LCORL: variants seen among roughly 807,000 people sequenced by gnomAD.
LCORL encodes ligand dependent nuclear receptor corepressor like.
A neutral mutation model predicts 141.8 loss-of-function variants in LCORL; 41 were observed. That is an observed-to-expected ratio of 0.29 (90% CI 0.23 to 0.38). The LOEUF (loss-of-function observed/expected upper bound fraction) is 0.38. Ranked by LOEUF, LCORL falls within the 10% of genes least tolerant of loss-of-function variation. The probability of loss-of-function intolerance (pLI) is 1.00; values close to 1 mark genes in which losing one functional copy is unlikely to be tolerated. For missense variants in LCORL, 1,759 were observed against 2,035.0 expected (o/e 0.86, Z 2.61); for synonymous variants, 618 against 694.1 (o/e 0.89, Z 1.72).
intron 1 of LCORL, among the ~76,000 whole-genome samples, chr4:18,018,252 T>C (rs1724922080): frequency 6.6e-6 from 1 of 152,168 alleles, no homozygotes. Flanking sequence ...CAGGACTATA[T>C]TTGCTATTTC....
chr4:17,843,421 G>A, exon 8 of LCORL: 1 of 1,611,004 alleles, frequency 6.2e-7, no homozygotes, highest in Non-Finnish European at 8.5e-7. Context: ...GAAGATCTAA[G>A]TTAGGAAAGA....
At chr4:17,909,648 A>T (rs886600186) in intron 4 of LCORL, among the ~76,000 whole-genome samples, 2 of 152,174 alleles carry the variant, frequency 1.3e-5, no homozygotes, top group African/African-American at 2.4e-5. Context: ...AAGAGTTTTA[A>T]TATTCATTCA....
chr4:17,907,916 T>C (rs1018560787), intron 5 of LCORL, among the ~76,000 whole-genome samples: 3 of 152,230 alleles, frequency 2.0e-5, no homozygotes, highest in Admixed American at 6.5e-5. Context: ...ACATAAATAC[T>C]TGCAACCTAG....
chr4:17,991,833 C>T (rs1720064654), intron 1 of LCORL, among the ~76,000 whole-genome samples: 1 of 152,148 alleles, frequency 6.6e-6, no homozygotes, highest in East Asian at 1.9e-4. Flanking sequence ...CTAATACCCG[C>T]TAATACCATA....
At chr4:17,915,154 A>ATC (rs1030695844) in intron 4 of LCORL, among the ~76,000 whole-genome samples, 32 of 150,124 alleles carry the variant, frequency 2.1e-4, no homozygotes, top group Admixed American at 1.3e-3. Flanking sequence ...CTATCCCTTC[A>ATC]TCTCTCTCTC....
In LCORL at chr4:18,021,719, G is replaced by C. The variant is rs771396431; in HGVS notation, c.33C>G (p.Ala11=). 6 of 1,525,528 alleles carry C rather than the reference G, an allele frequency of 3.9e-6. No homozygotes were observed. The East Asian group carries it at 7.5e-5, about 19-fold the overall frequency. 94.5% of individuals were successfully genotyped at this position (1,525,528 alleles called of 1,614,324 possible). Residue 11 remains alanine (A), a synonymous_variant, in exon 1 of 8, where the codon GCC becomes GCG. Coordinates refer to ENST00000635767, the Ensembl canonical transcript of LCORL. The surrounding 1 kb of genome is among the most constrained non-coding windows in gnomAD (Gnocchi z 5.5). The stretch of plus-strand genomic sequence containing the variant: ...CGGCGGCGGCGGCAGCAGCGGCGGC[G>C]GCAGCGGCCATTCTCTCTCTTCCCT...
In LCORL at chr4:17,973,936, T is replaced by G. The variant is rs114125360; in HGVS notation, c.155-1051A>C. 2.6e-3 allele frequency among the ~76,000 whole-genome samples: 403 copies of G among 152,090 alleles called. 3 individuals are homozygous for G. Among genetic ancestry groups the G allele is most frequent in the African/African-American group, 9.2e-3 (382 of 41,552 alleles). On this transcript the variant is annotated intron_variant, in intron 1 of 7. Transcript: ENST00000635767. ...ATGTCTTAGATTTCACAAAGTAAGGTAGCTATCATGATACTTGGTAAATAT... is the reference window on the plus strand; with the variant it reads ...ATGTCTTAGATTTCACAAAGTAAGGGAGCTATCATGATACTTGGTAAATAT...
intron 1 of LCORL, among the ~76,000 whole-genome samples, chr4:17,988,650 T>C (rs1719441977): frequency 2.6e-5 from 4 of 152,234 alleles, no homozygotes; most frequent in African/African-American, 9.6e-5. Context: ...GATTTATTCT[T>C]GCTTATAGTT....
chr4:17,933,378 C>T (rs569858958), intron 4 of LCORL, among the ~76,000 whole-genome samples: 1 of 152,088 alleles, frequency 6.6e-6, no homozygotes, highest in South Asian at 2.1e-4. Context: ...TACCTTTTTA[C>T]CATTTTATTT....
chr4:17,842,911 T>C (rs1388012881), exon 8 of LCORL: 1 of 161,788 alleles, frequency 6.2e-6, no homozygotes, highest in African/African-American at 2.4e-5. Context: ...AAACTTGTTT[T>C]TTACTATGTT....
At chr4:17,968,687 A>G (rs1715380222) in intron 2 of LCORL, among the ~76,000 whole-genome samples, 1 of 152,206 alleles carries the variant, frequency 6.6e-6, no homozygotes, top group South Asian at 2.1e-4. Context: ...TAATTCCATC[A>G]TTATAGTATA....
At chr4:17,972,836 G>T in exon 2 of LCORL, 3 of 1,432,904 alleles carry the variant, frequency 2.1e-6, no homozygotes, top group South Asian at 1.6e-5. Flanking sequence ...ATAAACTGAG[G>T]TCTCTTCGTA....
chr4:18,020,904 C>T (rs1725427040), intron 1 of LCORL, among the ~76,000 whole-genome samples: 1 of 152,232 alleles, frequency 6.6e-6, no homozygotes. Flanking sequence ...GGAGGAAGAA[C>T]TTCAAATCCC....
In LCORL at chr4:17,977,373, G is replaced by A. The variant is rs574011053; in HGVS notation, c.155-4488C>T. 4.9e-3 allele frequency among the ~76,000 whole-genome samples: 747 copies of A among 152,250 alleles called. 11 individuals are homozygous for A. Among genetic ancestry groups the A allele is most frequent in the African/African-American group, 0.017 (708 of 41,536 alleles). On this transcript the variant is annotated intron_variant, in intron 1 of 7. Transcript: ENST00000635767. ...TTTCTGCCATCTGCCATCCATGTATGAAAGTTACCATGGCTGATTCACATC... is the reference window on the plus strand; with the variant it reads ...TTTCTGCCATCTGCCATCCATGTATAAAAGTTACCATGGCTGATTCACATC...
exon 8 of LCORL, chr4:17,842,742 A>G (rs1255565372): frequency 1.5e-5 from 3 of 193,834 alleles, no homozygotes; most frequent in African/African-American, 7.1e-5. Flanking sequence ...TAATTTGGGT[A>G]TATTGTGTGG....
intron 7 of LCORL, among the ~76,000 whole-genome samples, chr4:17,867,681 T>G (rs1306247663): frequency 1.3e-5 from 2 of 152,182 alleles, no homozygotes; most frequent in Non-Finnish European, 2.9e-5. Context: ...ACACAACACC[T>G]GATACATCAA....
chr4:17,915,810 T>C (rs1238776177), intron 4 of LCORL, among the ~76,000 whole-genome samples: 1 of 152,164 alleles, frequency 6.6e-6, no homozygotes, highest in Non-Finnish European at 1.5e-5. Context: ...TTAATTAAAG[T>C]GCAAAAAGAA....
chr4:17,934,449 T>A (rs1736533565), intron 4 of LCORL, among the ~76,000 whole-genome samples: 1 of 152,154 alleles, frequency 6.6e-6, no homozygotes, highest in South Asian at 2.1e-4. Context: ...TTTCATGTTT[T>A]TTCCTTTAAA....
intron 7 of LCORL, among the ~76,000 whole-genome samples, chr4:17,855,007 T>C (rs1724187114): frequency 6.6e-6 from 1 of 152,170 alleles, no homozygotes; most frequent in South Asian, 2.1e-4. Context: ...AACTAGTAAG[T>C]ATTATGACCA....
Sources: allele counts gnomAD v4.1 joint callset (sites outside exome capture counted in the v4.1 genomes callset), GRCh38; gene constraint gnomAD v4.1.1; non-coding constraint Gnocchi (gnomAD v3.1); transcripts MANE v1.5; gene names NCBI Gene and HGNC (gene_info 2026-07-23, HGNC 2026-07-21).